POLR1A: variants seen among roughly 807,000 people sequenced by gnomAD.
POLR1A encodes RNA polymerase I subunit A.
A neutral mutation model predicts 205.3 loss-of-function variants in POLR1A; 84 were observed. The observed-to-expected ratio is 0.41, with a 90% CI of 0.34 to 0.49. The LOEUF is 0.49. Ranked by LOEUF, POLR1A falls within the 20% of genes least tolerant of loss-of-function variation. The probability of loss-of-function intolerance (pLI) is 0.22; values close to 1 mark genes in which losing one functional copy is unlikely to be tolerated. For missense variants in POLR1A, 1,645 were observed against 2,204.5 expected, an observed-to-expected ratio of 0.75 and a Z score of 5.08; for synonymous variants, 799 against 863.7, an observed-to-expected ratio of 0.93 and a Z score of 1.31.
intron 1 of POLR1A, among the ~76,000 whole-genome samples, chr2:86,102,958 A>T (rs1228381338): frequency 6.6e-6 from 1 of 152,246 alleles, no homozygotes; most frequent in Non-Finnish European, 1.5e-5. Flanking sequence ...AGCACTGAGC[A>T]GCTAGCTCCT....
chr2:86,030,884 T>G (rs1672373829), intron 30 of POLR1A, among the ~76,000 whole-genome samples: 1 of 152,176 alleles, frequency 6.6e-6, no homozygotes. Flanking sequence ...GCTGTGTGTG[T>G]GGGGAACTGA....
rs184059361 is a variant in POLR1A, at chr2:86,034,436, G to A, written c.4035-649C>T. Among the ~76,000 whole-genome samples the A allele has an allele frequency of 1.3e-3, 197 of 152,336 alleles. 1 individual carries two copies. The highest frequency in any genetic ancestry group is 3.9e-3 in the African/African-American group (162 of 41,564). The stretch of plus-strand genomic sequence containing the variant: ...ATAACTTAGCTTGTGGCAATGAATC[G>A]TGTCAACAAGTTAGAACCACACCAA... On this transcript the variant is annotated intron_variant, in intron 27 of 33. Transcript: ENST00000263857.
At chr2:86,055,888 C>T (rs1290821619) in intron 14 of POLR1A, among the ~76,000 whole-genome samples, 4 of 152,190 alleles carry the variant, frequency 2.6e-5, no homozygotes, top group Non-Finnish European at 4.4e-5. Context: ...AGGATGTCTA[C>T]GCTTGCCATT....
chr2:86,055,704 T>C (rs1672883163), intron 14 of POLR1A, among the ~76,000 whole-genome samples: 1 of 152,056 alleles, frequency 6.6e-6, no homozygotes, highest in African/African-American at 2.4e-5. Flanking sequence ...GTAAAATCAA[T>C]GGGGCAGAAG....
chr2:86,103,925 A>C (rs1390755179), intron 1 of POLR1A, among the ~76,000 whole-genome samples: 1 of 152,206 alleles, frequency 6.6e-6, no homozygotes, highest in Non-Finnish European at 1.5e-5. Context: ...TGCAGAGGGA[A>C]TAGCTTAAAG....
intron 15 of POLR1A, 91 bp downstream of exon 15, chr2:86,054,049 T>C: frequency 7.8e-7 from 1 of 1,277,440 alleles, no homozygotes; most frequent in Non-Finnish European, 1.1e-6. Flanking sequence ...CCTGCTTCTG[T>C]GAATGTGCCT....
intron 19 of POLR1A, among the ~76,000 whole-genome samples, chr2:86,046,152 G>A (rs1041176260): frequency 1.3e-5 from 2 of 152,136 alleles, no homozygotes; most frequent in Admixed American, 6.5e-5. Flanking sequence ...ACTCAGGGCC[G>A]GGTGTGGTGG....
intron 13 of POLR1A, among the ~76,000 whole-genome samples, chr2:86,068,202 C>T (rs1335774123): frequency 6.6e-6 from 1 of 152,168 alleles, no homozygotes; most frequent in Non-Finnish European, 1.5e-5. Flanking sequence ...TGCCTCAGGT[C>T]ACTCTGCCAG....
At chr2:86,065,541 T>C in intron 13 of POLR1A, 76 bp from the exon 14 acceptor site, 1 of 1,238,180 alleles carries the variant, frequency 8.1e-7, no homozygotes, top group Non-Finnish European at 1.2e-6. Flanking sequence ...ATCGCCTGCC[T>C]GGAAGCCACT....
rs1553436015 is a variant in POLR1A, at chr2:86,068,386, C to CCG, written c.1866+1631_1866+1632insCG. On this transcript the variant is annotated intron_variant, in intron 13 of 33. Coordinates refer to ENST00000263857, the MANE Select transcript of POLR1A (RefSeq NM_015425.6). ...GAACACGCACAGCCAAGCACATGGG[C>CCG]GGGGGGGGGGGGCGGGTGTCGTCCA... Among the ~76,000 whole-genome samples, 21 of 12,240 alleles carry CCG rather than the reference C, an allele frequency of 1.7e-3. 3 individuals are homozygous for CCG. Among genetic ancestry groups the CCG allele is most frequent in the South Asian group, 0.013 (3 of 230 alleles). 8.0% of individuals were successfully genotyped at this position (12,240 alleles called of 152,430 possible). A position where few individuals can be genotyped will look rare whatever the true frequency, so the allele number is the denominator to read the frequency against.
chr2:86,046,877 A>G (rs1672719481), intron 19 of POLR1A, among the ~76,000 whole-genome samples: 2 of 152,138 alleles, frequency 1.3e-5, no homozygotes, highest in African/African-American at 4.8e-5. Context: ...ATTACGTAAA[A>G]ATTGTGTGAG....
In POLR1A at chr2:86,048,962, G is replaced by A. The variant is rs572301010; in HGVS notation, c.2556C>T (p.Gly852=). ...VRGKWQDAHL[G]KDQRDFNMID... Reference sequence around the variant, plus strand: ...TCATGTTAAAATCCCTCTGGTCCTTGCCCAGATGGGCATCCTGCCATTTTC... The same window carrying A: ...TCATGTTAAAATCCCTCTGGTCCTTACCCAGATGGGCATCCTGCCATTTTC... Residue 852 remains glycine, a synonymous_variant, in exon 18 of 34, where the codon GGC becomes GGT. Transcript: ENST00000263857. 3.1e-6 allele frequency: 5 copies of A among 1,613,966 alleles called. No homozygotes were observed. In the South Asian group the frequency reaches 5.5e-5, roughly 18 times the overall value.
In POLR1A at chr2:86,080,806, C is replaced by T; in HGVS notation, c.1086+10G>A. 2 of 1,599,904 alleles carry T rather than the reference C, an allele frequency of 1.3e-6. No homozygotes were observed. The highest frequency in any genetic ancestry group is 1.7e-6 in the Non-Finnish European group (2 of 1,172,788). ...TGTGCTCATCACATCAGCAACAGAG[C>T]AGCCCTGACCTCATCTGTAGTGGGT... On this transcript the variant is annotated intron_variant, in intron 9 of 33. Coordinates refer to ENST00000263857, the MANE Select transcript of POLR1A (RefSeq NM_015425.6).
chr2:86,044,065 C>T (rs774497953), intron 22 of POLR1A, 74 bp downstream of exon 22: 91 of 1,461,404 alleles, frequency 6.2e-5, no homozygotes, highest in African/African-American at 1.9e-4. Context: ...CAAAGCTCAG[C>T]GCATTCCAGT....
chr2:86,086,196 T>C (rs929847085), intron 6 of POLR1A, among the ~76,000 whole-genome samples: 1 of 152,122 alleles, frequency 6.6e-6, no homozygotes, highest in African/African-American at 2.4e-5. Context: ...GTAGCTGGGA[T>C]TACAGGCGTG....
chr2:86,031,703 A>G, intron 29 of POLR1A, 68 bp from the exon 30 acceptor site: 1 of 1,553,326 alleles, frequency 6.4e-7, no homozygotes, highest in South Asian at 1.2e-5. Flanking sequence ...CTGCCTGTGG[A>G]ACAAAGACCC....
intron 7 of POLR1A, among the ~76,000 whole-genome samples, chr2:86,081,988 T>C (rs191456114): frequency 1.6e-3 from 247 of 152,216 alleles, no homozygotes; most frequent in African/African-American, 5.7e-3. Flanking sequence ...CGTGCTATCA[T>C]GTCCAGCTAA....
chr2:86,027,620 A>T, intron 33 of POLR1A, 97 bp from the exon 34 acceptor site: 1 of 1,119,836 alleles, frequency 8.9e-7, no homozygotes, highest in Non-Finnish European at 1.3e-6. Flanking sequence ...CTCGGGACTC[A>T]GGTGGGTCCT....
Position 86,049,200 on chromosome 2 carries a change from C to T in POLR1A, c.2435G>A (p.Arg812Lys). 1.2e-6 allele frequency: 2 copies of T among 1,614,106 alleles called. No individual in the cohort carries two copies. Among genetic ancestry groups the T allele is most frequent in the Non-Finnish European group, 8.5e-7 (1 of 1,179,946 alleles). ...ILVKPKADVK[R>K]QRIIEESTHC... ...GGTGGATTCTTCAATGATACGTTGC[C>T]TCTTGACATCTGCCTTTGGCTTCAC... The change falls in exon 17 of 34, where the codon AGG (arginine) becomes AAG (lysine). Residue 812 changes from arginine (R) to lysine (K), a missense_variant. Physicochemically the swap from Arg to Lys is conservative, Grantham distance 26. This residue lies in a region of POLR1A where 339 missense variants were observed against 415.1 expected (regional missense o/e 0.82). Coordinates refer to ENST00000263857, the MANE Select transcript of POLR1A (RefSeq NM_015425.6).
Sources: gnomAD v4.1 joint callset for allele counts (sites outside exome capture counted in the v4.1 genomes callset) on GRCh38, gnomAD v4.1.1 for gene constraint, gnomAD v4.1.1 regional missense constraint, MANE v1.5 for transcripts, NCBI Gene and HGNC (gene_info 2026-07-23, HGNC 2026-07-21) for gene names.